Variants in TEAD4 observed in about 807,000 individuals in gnomAD.
TEAD4 encodes the protein TEA domain transcription factor 4.
Under a neutral mutation model 52.4 loss-of-function variants are expected in TEAD4, and 36 were observed. The observed-to-expected ratio is 0.69, with a 90% CI of 0.53 to 0.91. The LOEUF (loss-of-function observed/expected upper bound fraction) is 0.91. Among genes scored for constraint, TEAD4 ranks in the 40% least tolerant of loss-of-function variants. The probability of loss-of-function intolerance (pLI) is 0.00; values close to 1 mark genes in which losing one functional copy is unlikely to be tolerated. For missense variants in TEAD4, 508 were observed against 583.9 expected (o/e 0.87, Z 1.34); for synonymous variants, 220 against 231.0 (o/e 0.95, Z 0.43).
chr12:3,031,011 C>T (rs1017185661), intron 10 of TEAD4, among the ~76,000 whole-genome samples: 2 of 152,220 alleles, frequency 1.3e-5, no homozygotes, highest in Admixed American at 6.5e-5. Context: ...GACGCATGTG[C>T]CTCCTGAGGA....
At chr12:2,987,774 A>T (rs761685951) in intron 2 of TEAD4, among the ~76,000 whole-genome samples, 30 of 151,652 alleles carry the variant, frequency 2.0e-4, no homozygotes, top group Admixed American at 5.3e-4. Context: ...TTTTAAAATC[A>T]CAATTTCAGG....
chr12:3,005,909 G>A (rs114343586), intron 3 of TEAD4, among the ~76,000 whole-genome samples: 6,976 of 152,176 alleles, frequency 0.046, 519 homozygotes, highest in African/African-American at 0.16. Flanking sequence ...AAGTGCTGGG[G>A]TTATAGGTGT....
At chr12:2,992,472 G>A (rs1469794423) in intron 2 of TEAD4, among the ~76,000 whole-genome samples, 2 of 152,092 alleles carry the variant, frequency 1.3e-5, no homozygotes, top group Non-Finnish European at 1.5e-5. Flanking sequence ...CCCTCACAGT[G>A]CCTCTCTGTG....
At chr12:3,025,619 C>G (rs1360595974) in intron 10 of TEAD4, among the ~76,000 whole-genome samples, 1 of 151,958 alleles carries the variant, frequency 6.6e-6, no homozygotes, top group Non-Finnish European at 1.5e-5. Flanking sequence ...TTATTGCAAC[C>G]TCCACCTCCC....
intron 2 of TEAD4, among the ~76,000 whole-genome samples, chr12:2,988,917 C>T (rs1484416029): frequency 6.6e-6 from 1 of 152,180 alleles, no homozygotes; most frequent in Admixed American, 6.5e-5. Context: ...TCGAACCGTC[C>T]CACGTGCCTT....
At chr12:3,034,053 C>T (rs2098277723) in intron 10 of TEAD4, among the ~76,000 whole-genome samples, 1 of 151,320 alleles carries the variant, frequency 6.6e-6, no homozygotes. Flanking sequence ...CTCCCCCTGA[C>T]CCATTGCTCA....
At chr12:3,012,591 G>C (rs938000179) in intron 5 of TEAD4, among the ~76,000 whole-genome samples, 20 of 152,154 alleles carry the variant, frequency 1.3e-4, no homozygotes, top group African/African-American at 4.8e-4. Context: ...AGGGGCATGG[G>C]GGGGTGCCTG....
At chr12:3,006,970 A>G (rs1162834501) in intron 3 of TEAD4, among the ~76,000 whole-genome samples, 1 of 151,718 alleles carries the variant, frequency 6.6e-6, no homozygotes, top group African/African-American at 2.4e-5. Context: ...AGGTTGCGGT[A>G]AGCCGAGATC....
Position 3,032,009 on chromosome 12 carries a change from G to A in TEAD4, c.898-5959G>A, listed in dbSNP as rs78751999. 4.6e-3 allele frequency among the ~76,000 whole-genome samples: 695 copies of A among 152,334 alleles called. 4 individuals are homozygous for A. The highest frequency in any genetic ancestry group is 0.016 in the African/African-American group (665 of 41,580). On this transcript the variant is annotated intron_variant, in intron 10 of 12. Transcript: ENST00000359864. The stretch of plus-strand genomic sequence containing the variant: ...CTGAGGAACAGCAGGCAGTGGCAGC[G>A]TGGGGAGAGCAGACTTAGCTCTGTG...
chr12:3,010,623 T>G (rs1053470306), intron 3 of TEAD4, among the ~76,000 whole-genome samples: 11 of 152,124 alleles, frequency 7.2e-5, no homozygotes, highest in African/African-American at 2.7e-4. Flanking sequence ...GCCGGGCAGC[T>G]CCCTGGAGCC....
intron 2 of TEAD4, among the ~76,000 whole-genome samples, chr12:2,961,281 T>C (rs185581962): frequency 6.6e-6 from 1 of 152,232 alleles, no homozygotes; most frequent in African/African-American, 2.4e-5. Context: ...CCCTCATTCT[T>C]TCCAACTTGC....
chr12:3,014,954 C>A (rs34106137), intron 5 of TEAD4, among the ~76,000 whole-genome samples: 1 of 152,192 alleles, frequency 6.6e-6, no homozygotes, highest in African/African-American at 2.4e-5. Context: ...TGCCCTCCTG[C>A]GGGGAGAGGT....
At chr12:2,968,725 T>C (rs1361787480) in intron 2 of TEAD4, among the ~76,000 whole-genome samples, 1 of 152,070 alleles carries the variant, frequency 6.6e-6, no homozygotes, top group Non-Finnish European at 1.5e-5. Flanking sequence ...CATAGCTCAC[T>C]GTAGCCTCAA....
intron 5 of TEAD4, among the ~76,000 whole-genome samples, chr12:3,016,491 G>A (rs1223594258): frequency 6.6e-6 from 1 of 151,958 alleles, no homozygotes; most frequent in African/African-American, 2.4e-5. Flanking sequence ...CGTGGTCCCA[G>A]CTACTCAGGA....
intron 10 of TEAD4, among the ~76,000 whole-genome samples, chr12:3,028,302 T>C (rs2098273306): frequency 6.6e-6 from 1 of 152,232 alleles, no homozygotes; most frequent in Non-Finnish European, 1.5e-5. Context: ...GGACGTTCAT[T>C]TTCATTTCCA....
chr12:2,999,637 T>C (rs74054819), intron 3 of TEAD4, among the ~76,000 whole-genome samples: 10,087 of 152,294 alleles, frequency 0.066, 793 homozygotes, highest in East Asian at 0.22. Flanking sequence ...TGCCTTCTCC[T>C]GCTCACGGCC....
At position 2,998,527 on chromosome 12, in the gene TEAD4, A is replaced by G. The variant is rs183256926; in HGVS notation, c.226+3535A>G. Among the ~76,000 whole-genome samples, 501 of 151,314 alleles carry G rather than the reference A, an allele frequency of 3.3e-3. 3 individuals are homozygous for G. Among genetic ancestry groups the G allele is most frequent in the Non-Finnish European group, 5.8e-3 (396 of 67,834 alleles). On this transcript the variant is annotated intron_variant, in intron 3 of 12. Coordinates refer to ENST00000359864, the MANE Select transcript of TEAD4 (RefSeq NM_003213.4). ...GCTGAGACCCAGGGAGGGGCATGGGATGGGGACGCTCGGGAGGGCCTGGAG... is the reference window on the plus strand; with the variant it reads ...GCTGAGACCCAGGGAGGGGCATGGGGTGGGGACGCTCGGGAGGGCCTGGAG...
intron 10 of TEAD4, among the ~76,000 whole-genome samples, chr12:3,035,580 G>A (rs1379686354): frequency 2.6e-5 from 4 of 152,184 alleles, no homozygotes; most frequent in African/African-American, 9.7e-5. Context: ...CCAACACTTT[G>A]GGAGGCCAAG....
chr12:3,020,815 CT>C, intron 9 of TEAD4, 42 bp downstream of exon 9: 1 of 1,500,656 alleles, frequency 6.7e-7, no homozygotes, highest in Admixed American at 2.2e-5. Context: ...TGGTCACCCC[CT>C]CTCCCTCTGT....
Sources: allele counts gnomAD v4.1 joint callset (sites outside exome capture counted in the v4.1 genomes callset), GRCh38; gene constraint gnomAD v4.1.1; transcripts MANE v1.5; gene names NCBI Gene and HGNC (gene_info 2026-07-23, HGNC 2026-07-21).